Variants in ANKRD11 observed in about 807,000 individuals in gnomAD.
The protein encoded by ANKRD11 is ankyrin repeat domain-containing protein 11.
A neutral mutation model predicts 195.7 loss-of-function variants in ANKRD11; 17 were observed. The observed-to-expected ratio is 0.09, with a 90% CI of 0.06 to 0.13. ANKRD11 has a LOEUF of 0.13. Ranked by LOEUF, ANKRD11 falls within the 10% of genes least tolerant of loss-of-function variation. The probability of loss-of-function intolerance (pLI) is 1.00; values close to 1 mark genes in which losing one functional copy is unlikely to be tolerated. For synonymous variants in ANKRD11, 1,953 were observed against 1,528.1 expected (o/e 1.28, Z -6.49); for missense variants, 3,735 against 3,566.1 (o/e 1.05, Z -1.21).
Position 89,282,865 on chromosome 16 carries a change from A to C in ANKRD11, c.3677T>G (p.Val1226Gly). The part of the protein sequence containing the change: ...KYKDRKDRAS[V>G]DSTQDKKNKQ... ...ATTTTTCTTATCTTGCGTGGAGTCCACTGAGGCTCTGTCCTTCCTGTCCTT... is the reference window on the plus strand; with the variant it reads ...ATTTTTCTTATCTTGCGTGGAGTCCCCTGAGGCTCTGTCCTTCCTGTCCTT... The change falls in exon 9 of 13, where the codon GTG (valine) becomes GGG (glycine). Residue 1226 changes from valine to glycine, a missense_variant. Transcript: ENST00000301030. 2 of 1,612,486 alleles carry C rather than the reference A, an allele frequency of 1.2e-6. No individual in the cohort carries two copies. The highest frequency in any genetic ancestry group is 1.7e-6 in the Non-Finnish European group (2 of 1,179,948).
At chr16:89,421,954 G>T (rs2152243713) in intron 1 of ANKRD11, among the ~76,000 whole-genome samples, 1 of 152,170 alleles carries the variant, frequency 6.6e-6, no homozygotes, top group East Asian at 1.9e-4. Flanking sequence ...CAGGTGCTAA[G>T]GAGTCGGCTA....
At chr16:89,373,638 T>C (rs918173254) in intron 2 of ANKRD11, among the ~76,000 whole-genome samples, 3 of 152,238 alleles carry the variant, frequency 2.0e-5, no homozygotes, top group Non-Finnish European at 4.4e-5. Flanking sequence ...TCCCACGAGC[T>C]GCTTTACTTC....
intron 4 of ANKRD11, among the ~76,000 whole-genome samples, chr16:89,294,832 G>A (rs564659855): frequency 2.6e-5 from 4 of 152,300 alleles, no homozygotes; most frequent in Non-Finnish European, 4.4e-5. Context: ...CCTGAGAAAC[G>A]CTCCTCTGAG....
intron 2 of ANKRD11, among the ~76,000 whole-genome samples, chr16:89,414,302 T>G (rs1333916622): frequency 6.6e-6 from 1 of 152,154 alleles, no homozygotes; most frequent in African/African-American, 2.4e-5. Context: ...GGAAAGGTAA[T>G]TTGAAAGTCC....
Position 89,285,990 on chromosome 16 carries a change from C to T in ANKRD11, c.892+49G>A, listed in dbSNP as rs2034618626. The T allele has an allele frequency of 6.2e-7, 1 of 1,612,762 alleles. No individual in the cohort carries two copies. The highest frequency in any genetic ancestry group is 8.5e-7 in the Non-Finnish European group (1 of 1,179,208). ...CTGTGCAAACACCACAGGGCAGCTC[C>T]TACCATCCCTGCATAAAAGAACAGG... On this transcript the variant is annotated intron_variant, in intron 8 of 12. Transcript: ENST00000301030. The surrounding 1 kb of genome is among the most constrained non-coding windows in gnomAD (Gnocchi z 5.6).
At chr16:89,432,778 C>A (rs2152273544) in intron 1 of ANKRD11, among the ~76,000 whole-genome samples, 1 of 152,114 alleles carries the variant, frequency 6.6e-6, no homozygotes, top group South Asian at 2.1e-4. Context: ...GACCCCATCC[C>A]TATAAAAAAT....
At chr16:89,453,515 GC>G (rs1178592785) in intron 1 of ANKRD11, among the ~76,000 whole-genome samples, 2 of 152,200 alleles carry the variant, frequency 1.3e-5, no homozygotes, top group African/African-American at 4.8e-5. Context: ...AACACGTCCT[GC>G]CTGCTAAGGT....
rs758950591 is a variant in ANKRD11, at chr16:89,286,963, T to A, written c.745-777A>T. 7.2e-5 allele frequency: 93 copies of A among 1,289,772 alleles called. No individual in the cohort carries two copies. The East Asian group carries it at 2.6e-3, about 35-fold the overall frequency. The allele number at this position is 1,289,772 out of a possible 1,614,324, so 79.9% of individuals were successfully genotyped here. ...GCCCACAGAATCAGTTTCCAGTTCG[T>A]GTGTGACATGTTCTATTGTTGAATC... On this transcript the variant is annotated intron_variant, in intron 7 of 12. Transcript: ENST00000301030.
rs2034394353 is a variant in ANKRD11 at position 89,283,051 on chromosome 16, T to G, written c.3491A>C (p.His1164Pro). ...GTGCTGCTTGTCAGAAGACTTCCTGTGTCTGTCGGAGGCATAGGCCTCCCG... is the reference window on the plus strand; with the variant it reads ...GTGCTGCTTGTCAGAAGACTTCCTGGGTCTGTCGGAGGCATAGGCCTCCCG... Reference protein sequence around the residue: ...EGREAYASDRHRKSSDKQHPE... With the variant: ...EGREAYASDRPRKSSDKQHPE... Residue 1164 changes from histidine (H) to proline (P), a missense_variant, in exon 9 of 13, where the codon CAC (histidine) becomes CCC (proline). By Grantham distance (77) the His-to-Pro change is moderately conservative. Coordinates refer to ENST00000301030, the MANE Select transcript of ANKRD11 (RefSeq NM_013275.6). This position sits in a 1 kb window ranked among gnomAD's most constrained non-coding sequence, Gnocchi z 4.3. 6.2e-7 allele frequency: 1 copy of G among 1,613,966 alleles called. No individual in the cohort carries two copies. The highest frequency in any genetic ancestry group is 1.3e-5 in the African/African-American group (1 of 75,032).
chr16:89,428,879 G>T (rs1377088897), intron 1 of ANKRD11, among the ~76,000 whole-genome samples: 1 of 152,186 alleles, frequency 6.6e-6, no homozygotes, highest in Non-Finnish European at 1.5e-5. Context: ...GGGCAACAGA[G>T]CAAGACTCCA....
chr16:89,395,558 G>T (rs568752335), intron 2 of ANKRD11: 1 of 152,316 alleles, frequency 6.6e-6, no homozygotes, highest in East Asian at 1.9e-4. Flanking sequence ...TCCCAGGAGG[G>T]GACCAATGGG....
intron 2 of ANKRD11, among the ~76,000 whole-genome samples, chr16:89,364,307 C>G (rs2152065075): frequency 6.6e-6 from 1 of 152,266 alleles, no homozygotes; most frequent in East Asian, 1.9e-4. Flanking sequence ...GTATGACCAG[C>G]AGAAAACCAC....
At chr16:89,344,556 G>A (rs2038847682) in intron 2 of ANKRD11, among the ~76,000 whole-genome samples, 2 of 152,214 alleles carry the variant, frequency 1.3e-5, no homozygotes, top group Admixed American at 1.3e-4. Flanking sequence ...GCTCCTCCTT[G>A]TCTGAACGCT....
At position 89,285,771 on chromosome 16, in the gene ANKRD11, C is replaced by T. The variant is rs923011826; in HGVS notation, c.893-122G>A. ...GGTTCCCACCCTGCCTCTGCAGAGA[C>T]ACTTTGCTCGACTCATGGAAACCAG... On this transcript the variant is annotated intron_variant, in intron 8 of 12. Transcript: ENST00000301030. This position sits in a 1 kb window ranked among gnomAD's most constrained non-coding sequence, Gnocchi z 5.6. The T allele has an allele frequency of 5.0e-6, 6 of 1,201,260 alleles. No individual in the cohort carries two copies. The highest frequency in any genetic ancestry group is 1.9e-5 in the Admixed American group (1 of 51,678). The allele number at this position is 1,201,260 out of a possible 1,614,324, so 74.4% of individuals were successfully genotyped here. A position where few individuals can be genotyped will look rare whatever the true frequency, so the allele number is the denominator to read the frequency against.
intron 2 of ANKRD11, among the ~76,000 whole-genome samples, chr16:89,327,007 G>A (rs1028569144): frequency 6.6e-6 from 1 of 151,394 alleles, no homozygotes; most frequent in Non-Finnish European, 1.5e-5. Context: ...AATGCAGAGG[G>A]GGAATGCAGA....
At chr16:89,383,400 T>C (rs981714262) in intron 2 of ANKRD11, among the ~76,000 whole-genome samples, 2 of 152,212 alleles carry the variant, frequency 1.3e-5, no homozygotes, top group Non-Finnish European at 2.9e-5. Flanking sequence ...ATCTGTGCCA[T>C]GGCTGTCCCC....
chr16:89,276,653 G>A lies in ANKRD11; in HGVS notation c.7471-1462C>T, dbSNP rs189053437. On this transcript the variant is annotated intron_variant, in intron 9 of 12. Coordinates refer to ENST00000301030, the MANE Select transcript of ANKRD11 (RefSeq NM_013275.6). ...CAGCGTGGACGCACGGCAGGGTCTC[G>A]TCACCTCCACGGCTCCTAAGGCACA... 4.1e-3 allele frequency among the ~76,000 whole-genome samples: 621 copies of A among 152,354 alleles called. 6 individuals carry two copies. Among genetic ancestry groups the A allele is most frequent in the African/African-American group, 0.015 (603 of 41,582 alleles).
intron 2 of ANKRD11, among the ~76,000 whole-genome samples, chr16:89,351,974 G>A (rs764969383): frequency 7.9e-5 from 12 of 152,274 alleles, no homozygotes; most frequent in South Asian, 4.1e-4. Flanking sequence ...GCAGTGGTGC[G>A]ATCGTGGCTC....
At chr16:89,301,038 A>T in intron 4 of ANKRD11, 1 of 570,012 alleles carries the variant, frequency 1.8e-6, no homozygotes, top group Non-Finnish European at 3.1e-6. Flanking sequence ...GCTCCCCAGA[A>T]CCCCAGGGAG....
Sources: allele counts gnomAD v4.1 joint callset (sites outside exome capture counted in the v4.1 genomes callset), GRCh38; gene constraint gnomAD v4.1.1; non-coding constraint Gnocchi (gnomAD v3.1); transcripts MANE v1.5; gene names NCBI Gene and HGNC (gene_info 2026-07-23, HGNC 2026-07-21).